The following ST6GALNAC3 variants were observed in gnomAD, a reference collection of about 807,000 sequenced individuals.
The protein encoded by ST6GALNAC3 is alpha-N-acetylgalactosaminide alpha-2,6-sialyltransferase 3.
Under a neutral mutation model 32.7 loss-of-function variants are expected in ST6GALNAC3, and 25 were observed. The ratio of observed to expected loss-of-function variants is 0.76; its 90% confidence interval spans 0.56 to 1.07. The LOEUF is 1.07. ST6GALNAC3 is among the 50% of genes least tolerant of loss of function. The pLI is 0.00. For synonymous variants in ST6GALNAC3, 129 were observed against 133.1 expected (o/e 0.97, Z 0.21); for missense variants, 355 against 382.4 (o/e 0.93, Z 0.60).
At position 76,412,425 on chromosome 1, in the gene ST6GALNAC3, C is replaced by A; in HGVS notation, c.623+8C>A. 4 of 1,576,112 alleles carry A rather than the reference C, an allele frequency of 2.5e-6. No individual in the cohort carries two copies. Among genetic ancestry groups the A allele is most frequent in the Non-Finnish European group, 3.4e-6 (4 of 1,163,220 alleles). On this transcript the variant is annotated splice_region_variant and intron_variant, in intron 3 of 4. Coordinates refer to ENST00000328299, the MANE Select transcript of ST6GALNAC3 (RefSeq NM_152996.4). ...GGAAACTGGGAAGGACAGGTGAGCC[C>A]TCTCTGAAGCAGCTTTATTGTCTTT... is the stretch of plus-strand genomic sequence containing the variant.
Position 76,545,966 on chromosome 1 carries a change from C to T in ST6GALNAC3, c.624-81486C>T, listed in dbSNP as rs769864659. Among the ~76,000 whole-genome samples, 5 of 152,100 alleles carry T rather than the reference C, an allele frequency of 3.3e-5. No homozygotes were observed. The South Asian group carries it at 1.0e-3, about 32-fold the overall frequency. ...GAGCCACCGCACTTGGCAGAAGAAA[C>T]GTTTTACAGATGAAAAAACTGAGGT... On this transcript the variant is annotated intron_variant, in intron 3 of 4. Coordinates refer to ENST00000328299, the MANE Select transcript of ST6GALNAC3 (RefSeq NM_152996.4).
intron 3 of ST6GALNAC3, among the ~76,000 whole-genome samples, chr1:76,470,595 A>G (rs1658956700): frequency 6.6e-6 from 1 of 152,108 alleles, no homozygotes; most frequent in Non-Finnish European, 1.5e-5. Context: ...CCCTGTTGAA[A>G]AAACCTTTTC....
intron 1 of ST6GALNAC3, among the ~76,000 whole-genome samples, chr1:76,286,902 C>T (rs1048552613): frequency 2.0e-5 from 3 of 152,152 alleles, no homozygotes; most frequent in African/African-American, 7.2e-5. Flanking sequence ...GAGAGATGAT[C>T]TATACAAGAC....
intron 1 of ST6GALNAC3, among the ~76,000 whole-genome samples, chr1:76,202,159 T>A (rs917194312): frequency 2.0e-5 from 3 of 151,928 alleles, no homozygotes; most frequent in African/African-American, 7.3e-5. Flanking sequence ...CATCTTTGAT[T>A]TCAGGTTTAA....
intron 1 of ST6GALNAC3, among the ~76,000 whole-genome samples, chr1:76,186,070 A>G (rs576541309): frequency 6.6e-6 from 1 of 152,294 alleles, no homozygotes; most frequent in East Asian, 1.9e-4. Context: ...CTCCACAGAT[A>G]TGGAGGGACC....
intron 1 of ST6GALNAC3, among the ~76,000 whole-genome samples, chr1:76,155,410 T>G (rs995152626): frequency 6.6e-6 from 1 of 152,192 alleles, no homozygotes; most frequent in African/African-American, 2.4e-5. Context: ...TCAAACAGCT[T>G]TAGATTTGCA....
At chr1:76,618,656 G>A (rs934174095) in intron 3 of ST6GALNAC3, among the ~76,000 whole-genome samples, 1 of 152,126 alleles carries the variant, frequency 6.6e-6, no homozygotes, top group Non-Finnish European at 1.5e-5. Flanking sequence ...CGTGGCTCCA[G>A]TTTTGGGCTC....
intron 2 of ST6GALNAC3, among the ~76,000 whole-genome samples, chr1:76,337,079 A>G (rs779464440): frequency 2.6e-5 from 4 of 152,216 alleles, no homozygotes; most frequent in Non-Finnish European, 5.9e-5. Context: ...TGCTCATGGC[A>G]GGAGGAATGG....
chr1:76,254,807 G>A (rs567653210), intron 1 of ST6GALNAC3, among the ~76,000 whole-genome samples: 7 of 151,914 alleles, frequency 4.6e-5, no homozygotes, highest in Admixed American at 2.0e-4. Context: ...GAATCCGTTC[G>A]CATCCCATCT....
At chr1:76,132,122 A>C (rs1649648540) in intron 1 of ST6GALNAC3, among the ~76,000 whole-genome samples, 1 of 152,004 alleles carries the variant, frequency 6.6e-6, no homozygotes, top group African/African-American at 2.4e-5. Flanking sequence ...ACTCTCCCCC[A>C]CTTCCATATT....
chr1:76,486,653 C>T (rs986368590), intron 3 of ST6GALNAC3, among the ~76,000 whole-genome samples: 1 of 152,138 alleles, frequency 6.6e-6, no homozygotes, highest in Non-Finnish European at 1.5e-5. Context: ...GAATACAGCA[C>T]ACTGGTGAGT....
intron 3 of ST6GALNAC3, among the ~76,000 whole-genome samples, chr1:76,478,011 T>G (rs763046381): frequency 6.6e-6 from 1 of 152,192 alleles, no homozygotes; most frequent in Non-Finnish European, 1.5e-5. Flanking sequence ...AGGTCCTCTT[T>G]GGAAGGGGAG....
intron 1 of ST6GALNAC3, among the ~76,000 whole-genome samples, chr1:76,214,407 A>T (rs191878203): frequency 2.1e-4 from 32 of 151,086 alleles, no homozygotes; most frequent in East Asian, 1.6e-3. Flanking sequence ...TTGAAAAAAA[A>T]TTTTTTTTTT....
At chr1:76,182,750 TG>T (rs375952505) in intron 1 of ST6GALNAC3, among the ~76,000 whole-genome samples, 29 of 152,304 alleles carry the variant, frequency 1.9e-4, no homozygotes, top group African/African-American at 6.3e-4. Context: ...CTTGATATAC[TG>T]GTTGATGCTT....
intron 2 of ST6GALNAC3, among the ~76,000 whole-genome samples, chr1:76,316,313 T>C (rs1168858240): frequency 6.6e-6 from 1 of 152,140 alleles, no homozygotes; most frequent in Non-Finnish European, 1.5e-5. Context: ...CATGAACCCG[T>C]GCACTGGAAG....
chr1:76,549,854 C>A (rs143655952), intron 3 of ST6GALNAC3, among the ~76,000 whole-genome samples: 115 of 152,296 alleles, frequency 7.6e-4, no homozygotes, highest in African/African-American at 2.7e-3. Context: ...CAGTTGGTAT[C>A]ATCAGACAGA....
In ST6GALNAC3 at chr1:76,558,830, A is replaced by G. The variant is rs1271665020; in HGVS notation, c.624-68622A>G. Among the ~76,000 whole-genome samples, 8 of 152,216 alleles carry G rather than the reference A, an allele frequency of 5.3e-5. No individual in the cohort carries two copies. In the South Asian group the frequency reaches 6.2e-4, roughly 12 times the overall value. On this transcript the variant is annotated intron_variant, in intron 3 of 4. Coordinates refer to ENST00000328299, the MANE Select transcript of ST6GALNAC3 (RefSeq NM_152996.4). ...AATGTTTTGAATTTGATATTTTACT[A>G]TAGTTACACAGGTATAGCTCTTGGG... is the stretch of plus-strand genomic sequence containing the variant.
At chr1:76,170,441 C>T (rs1652416299) in intron 1 of ST6GALNAC3, among the ~76,000 whole-genome samples, 1 of 152,128 alleles carries the variant, frequency 6.6e-6, no homozygotes, top group Non-Finnish European at 1.5e-5. Flanking sequence ...AGTGATTGGT[C>T]AGCATGGGGG....
intron 2 of ST6GALNAC3, among the ~76,000 whole-genome samples, chr1:76,386,621 CAT>C (rs1322797191): frequency 1.3e-5 from 2 of 152,056 alleles, no homozygotes; most frequent in Non-Finnish European, 2.9e-5. Context: ...GAGATAATAA[CAT>C]AGAGAGATAA....
Sources: gnomAD v4.1 joint callset for allele counts (sites outside exome capture counted in the v4.1 genomes callset) on GRCh38, gnomAD v4.1.1 for gene constraint, MANE v1.5 for transcripts, NCBI Gene and HGNC (gene_info 2026-07-23, HGNC 2026-07-21) for gene names.